DYNC1I1: variants seen among roughly 807,000 people sequenced by gnomAD.
DYNC1I1 encodes the protein dynein cytoplasmic 1 intermediate chain 1, also known as cytoplasmic dynein 1 intermediate chain 1.
In DYNC1I1, 43 loss-of-function variants were observed where a neutral mutation model predicts 86.6. That is an observed-to-expected ratio of 0.50 (90% confidence interval 0.39 to 0.64). The LOEUF (loss-of-function observed/expected upper bound fraction) is 0.64. Among genes scored for constraint, DYNC1I1 ranks in the 30% least tolerant of loss-of-function variants. The pLI is 0.00. For missense variants in DYNC1I1, 604 were observed against 788.8 expected (o/e 0.77, Z 2.81); for synonymous variants, 262 against 283.7 (o/e 0.92, Z 0.77).
intron 5 of DYNC1I1, among the ~76,000 whole-genome samples, chr7:95,846,836 T>C (rs924816473): frequency 1.3e-5 from 2 of 152,204 alleles, no homozygotes; most frequent in African/African-American, 4.8e-5. Context: ...ATTAACTCTG[T>C]CATTGTAAAA....
At chr7:95,975,524 C>T (rs1246569612) in intron 6 of DYNC1I1, among the ~76,000 whole-genome samples, 1 of 152,166 alleles carries the variant, frequency 6.6e-6, no homozygotes, top group Admixed American at 6.6e-5. Flanking sequence ...TTTATAATGG[C>T]ACCAGTCATG....
intron 11 of DYNC1I1, among the ~76,000 whole-genome samples, chr7:96,031,035 C>A (rs1050187860): frequency 2.0e-4 from 30 of 152,110 alleles, no homozygotes; most frequent in Admixed American, 1.6e-3. Context: ...GCTGACTGTC[C>A]ATCAGCACGG....
chr7:95,839,196 A>C (rs1336914774), intron 5 of DYNC1I1, among the ~76,000 whole-genome samples: 2 of 151,962 alleles, frequency 1.3e-5, no homozygotes, highest in Non-Finnish European at 2.9e-5. Context: ...ATGCCTGGCT[A>C]ATTTTTGTAT....
At chr7:95,793,589 A>G (rs1296601345) in intron 1 of DYNC1I1, among the ~76,000 whole-genome samples, 1 of 152,192 alleles carries the variant, frequency 6.6e-6, no homozygotes, top group African/African-American at 2.4e-5. Context: ...CTATAGCCAC[A>G]GGGTTTGTAT....
Position 96,032,178 on chromosome 7 carries a change from C to T in DYNC1I1, c.1117-489C>T, listed in dbSNP as rs75584818. 7.1e-3 allele frequency among the ~76,000 whole-genome samples: 1,086 copies of T among 152,246 alleles called. 9 individuals are homozygous for T. Among genetic ancestry groups the T allele is most frequent in the African/African-American group, 0.024 (1,001 of 41,542 alleles). On this transcript the variant is annotated intron_variant, in intron 11 of 16. Transcript: ENST00000447467. Reference sequence around the variant, plus strand: ...TTAAAATGGTTATGAATATTAACCACTTTTTATAAAGAATGTTAACAAATG... The same window carrying T: ...TTAAAATGGTTATGAATATTAACCATTTTTTATAAAGAATGTTAACAAATG...
At chr7:95,907,308 C>T (rs1002694187) in intron 6 of DYNC1I1, among the ~76,000 whole-genome samples, 1 of 152,182 alleles carries the variant, frequency 6.6e-6, no homozygotes, top group African/African-American at 2.4e-5. Flanking sequence ...GAGTTAAGGT[C>T]ACACAGTGTG....
chr7:95,835,780 G>C (rs1426700620), intron 5 of DYNC1I1, among the ~76,000 whole-genome samples: 1 of 151,782 alleles, frequency 6.6e-6, no homozygotes. Context: ...TTTTATCAGA[G>C]ACTAGGATTG....
intron 6 of DYNC1I1, among the ~76,000 whole-genome samples, chr7:95,968,415 C>T (rs1008186803): frequency 4.2e-4 from 64 of 152,234 alleles, no homozygotes; most frequent in African/African-American, 1.5e-3. Flanking sequence ...ACCACTCTGT[C>T]CTTAGGAACA....
In DYNC1I1 at chr7:95,928,060, A is replaced by G. The variant is rs927989383; in HGVS notation, c.491-49452A>G. 3.3e-5 allele frequency among the ~76,000 whole-genome samples: 5 copies of G among 152,238 alleles called. No homozygotes were observed. The South Asian group carries it at 1.0e-3, about 32-fold the overall frequency. ...GGCCTGGTTTCAGCAGTTTGCTATC[A>G]GACCCTACATTATGGAAGAACAGCC... On this transcript the variant is annotated intron_variant, in intron 6 of 16. Transcript: ENST00000447467.
chr7:96,067,458 T>C (rs1790026859), intron 14 of DYNC1I1, among the ~76,000 whole-genome samples: 2 of 151,592 alleles, frequency 1.3e-5, no homozygotes, highest in Non-Finnish European at 2.9e-5. Flanking sequence ...TTTTTTTTTT[T>C]TTTTATTTCT....
intron 4 of DYNC1I1, among the ~76,000 whole-genome samples, chr7:95,822,847 A>G (rs1231936166): frequency 6.6e-6 from 1 of 152,268 alleles, no homozygotes; most frequent in Non-Finnish European, 1.5e-5. Flanking sequence ...GAAAGATTGT[A>G]TCAAACAACA....
chr7:95,872,323 A>G (rs1275672461), intron 6 of DYNC1I1, among the ~76,000 whole-genome samples: 3 of 152,292 alleles, frequency 2.0e-5, no homozygotes, highest in African/African-American at 7.2e-5. Context: ...TATAACATCC[A>G]CTTTGGCTTG....
At chr7:96,004,161 T>C (rs1252555145) in intron 10 of DYNC1I1, among the ~76,000 whole-genome samples, 1 of 152,234 alleles carries the variant, frequency 6.6e-6, no homozygotes, top group Non-Finnish European at 1.5e-5. Context: ...CTAACCTCTA[T>C]TGTAACAAAT....
chr7:96,109,033 C>A (rs1791264516), intron 16 of DYNC1I1, among the ~76,000 whole-genome samples: 1 of 152,016 alleles, frequency 6.6e-6, no homozygotes, highest in African/African-American at 2.4e-5. Flanking sequence ...TCTATAACAT[C>A]TTCTTATCAT....
chr7:96,022,501 CTT>C (rs1329306958), intron 10 of DYNC1I1, among the ~76,000 whole-genome samples: 1 of 152,054 alleles, frequency 6.6e-6, no homozygotes, highest in Non-Finnish European at 1.5e-5. Context: ...GTTTACTCCT[CTT>C]AGAATTTAGA....
downstream of DYNC1I1, among the ~76,000 whole-genome samples, chr7:96,101,298 CAGGAGA>C (rs1791132478): frequency 6.6e-6 from 1 of 152,170 alleles, no homozygotes; most frequent in Admixed American, 6.5e-5. Flanking sequence ...AATGGAGACG[CAGGAGA>C]CTGAAGACTG....
chr7:96,090,761 A>G (rs1790815830), intron 16 of DYNC1I1, among the ~76,000 whole-genome samples: 1 of 152,252 alleles, frequency 6.6e-6, no homozygotes, highest in South Asian at 2.1e-4. Flanking sequence ...TGTGCTGTAC[A>G]GAGACTAATG....
intron 6 of DYNC1I1, among the ~76,000 whole-genome samples, chr7:95,935,760 A>G (rs566112227): frequency 6.6e-6 from 1 of 152,066 alleles, no homozygotes; most frequent in East Asian, 1.9e-4. Flanking sequence ...AAGTTTTTTT[A>G]AAAAAACTAA....
At chr7:95,780,455 T>C (rs1160695331) in intron 1 of DYNC1I1, among the ~76,000 whole-genome samples, 3 of 147,628 alleles carry the variant, frequency 2.0e-5, no homozygotes, top group Non-Finnish European at 4.5e-5. Flanking sequence ...TTTTTTTGTA[T>C]TTTTAGTAGA....
Sources: gnomAD v4.1 joint callset for allele counts (sites outside exome capture counted in the v4.1 genomes callset) on GRCh38, gnomAD v4.1.1 for gene constraint, MANE v1.5 for transcripts, NCBI Gene and HGNC (gene_info 2026-07-23, HGNC 2026-07-21) for gene names.